The following ADAMTS9 variants were observed in gnomAD, a reference collection of about 807,000 sequenced individuals.
ADAMTS9 encodes the protein ADAM metallopeptidase with thrombospondin type 1 motif 9, also known as A disintegrin and metalloproteinase with thrombospondin motifs 9.
A neutral mutation model predicts 257.1 loss-of-function variants in ADAMTS9; 107 were observed. The ratio of observed to expected loss-of-function variants is 0.42; its 90% CI spans 0.36 to 0.49. The LOEUF (loss-of-function observed/expected upper bound fraction) is 0.49. ADAMTS9 is among the 20% of genes least tolerant of loss of function. The probability of loss-of-function intolerance (pLI) is 0.03; values close to 1 mark genes in which losing one functional copy is unlikely to be tolerated. For synonymous variants in ADAMTS9, 982 were observed against 880.9 expected (o/e 1.11, Z -2.03); for missense variants, 2,353 against 2,469.1 (o/e 0.95, Z 1.00).
intron 32 of ADAMTS9, among the ~76,000 whole-genome samples, chr3:64,543,205 C>A (rs981186765): frequency 0.048 from 4 of 84 alleles, no homozygotes; most frequent in African/African-American, 0.14. Flanking sequence ...GAGCTGGTAC[C>A]ATATCCTTCT....
At chr3:64,632,269 A>T (rs978214919) in intron 14 of ADAMTS9, among the ~76,000 whole-genome samples, 2 of 152,160 alleles carry the variant, frequency 1.3e-5, no homozygotes, top group Non-Finnish European at 2.9e-5. Context: ...GTAATTTTTT[A>T]AAAAATTGCT....
At position 64,633,841 on chromosome 3, in the gene ADAMTS9, A is replaced by G. The variant is rs548641855; in HGVS notation, c.1895T>C (p.Met632Thr). 5.0e-6 allele frequency: 8 copies of G among 1,613,384 alleles called. No homozygotes were observed. The South Asian group carries it at 8.8e-5, about 18-fold the overall frequency. ...CTCCGTGTTGCAGGACTTAAATTTC[A>G]TTCTACGTCCTACACAGTATTTTCC... is the stretch of plus-strand genomic sequence containing the variant. ...NGGKYCVGRR[M>T]KFKSCNTEPC... The change falls in exon 13 of 40, where the codon ATG becomes ACG. Residue 632 changes from methionine (M) to threonine (T), a missense_variant. Met to Thr is a moderately conservative substitution (Grantham distance 81, BLOSUM62 -1). Coordinates refer to ENST00000498707, the MANE Select transcript of ADAMTS9 (RefSeq NM_182920.2).
At chr3:64,685,172 TC>T (rs1246944944) in intron 2 of ADAMTS9, 1 of 152,242 alleles carries the variant, frequency 6.6e-6, no homozygotes, top group Admixed American at 6.5e-5. Flanking sequence ...AAGGGGTTTA[TC>T]CCTTTCCTTG....
chr3:64,541,023 G>A (rs1344542803), intron 36 of ADAMTS9, 72 bp downstream of exon 36: 1 of 1,587,298 alleles, frequency 6.3e-7, no homozygotes, highest in Non-Finnish European at 8.6e-7. Context: ...GCTAGCCAAT[G>A]TGCAAGACAT....
At chr3:64,542,407 G>A (rs58413252) in intron 32 of ADAMTS9, among the ~76,000 whole-genome samples, 4,157 of 144,496 alleles carry the variant, frequency 0.029, 207 homozygotes, top group African/African-American at 0.099. Context: ...ACTTTTGCCT[G>A]ATCACTTTTC....
At chr3:64,600,555 C>T (rs1306032555) in intron 26 of ADAMTS9, among the ~76,000 whole-genome samples, 6 of 152,192 alleles carry the variant, frequency 3.9e-5, no homozygotes, top group South Asian at 2.1e-4. Flanking sequence ...TAAATCCTAG[C>T]GCTATCATTA....
At chr3:64,577,714 T>C (rs2083889501) in intron 28 of ADAMTS9, among the ~76,000 whole-genome samples, 1 of 152,220 alleles carries the variant, frequency 6.6e-6, no homozygotes, top group Admixed American at 6.5e-5. Context: ...ACATGACTTA[T>C]GCTACTGTCA....
chr3:64,555,980 G>A (rs569230938), intron 30 of ADAMTS9, among the ~76,000 whole-genome samples: 3 of 152,286 alleles, frequency 2.0e-5, no homozygotes, highest in South Asian at 2.1e-4. Flanking sequence ...TAAAGAGTTC[G>A]TATCTGGCTC....
At chr3:64,680,778 T>C (rs1701734742) in intron 3 of ADAMTS9, among the ~76,000 whole-genome samples, 1 of 152,108 alleles carries the variant, frequency 6.6e-6, no homozygotes, top group African/African-American at 2.4e-5. Flanking sequence ...GACATTTCTG[T>C]AACCCTACAT....
rs185144109 is a variant in ADAMTS9, at chr3:64,670,110, C to T, written c.679+11091G>A. ...AGGACTGAATCTCATACTATTAATA[C>T]CAAACTCTTCTACCTCTGTCTCTGT... On this transcript the variant is annotated intron_variant, in intron 3 of 39. Coordinates refer to ENST00000498707, the MANE Select transcript of ADAMTS9 (RefSeq NM_182920.2). Among the ~76,000 whole-genome samples the T allele has an allele frequency of 4.4e-5, 6 of 137,258 alleles. No individual in the cohort carries two copies. The East Asian group carries it at 1.2e-3, about 28-fold the overall frequency. The allele number at this position is 137,258 out of a possible 152,430, so 90.0% of individuals were successfully genotyped here.
In ADAMTS9 at chr3:64,604,038, C is replaced by G. The variant is rs201135182; in HGVS notation, c.3631G>C (p.Asp1211His). 6.2e-7 allele frequency: 1 copy of G among 1,614,126 alleles called. No homozygotes were observed. The highest frequency in any genetic ancestry group is 2.2e-5 in the East Asian group (1 of 44,838). The change falls in exon 25 of 40, where the codon GAT becomes CAT. Residue 1211 changes from aspartate (D) to histidine (H), a missense_variant. Asp to His is a moderately conservative substitution (Grantham distance 81). This residue lies in a region of ADAMTS9 where 1,402 missense variants were observed against 1,441.4 expected (regional missense o/e 0.97). Transcript: ENST00000498707. ...GTRMRYVSCR[D>H]ENGSVADESA... ...TCGTCAGCCACAGAGCCATTCTCAT[C>G]TCGGCAGCTGACGTATCTCATCCGG...
chr3:64,561,414 C>T (rs2083420249), intron 30 of ADAMTS9, 164 bp downstream of exon 30: 1 of 644,824 alleles, frequency 1.6e-6, no homozygotes, highest in Non-Finnish European at 2.4e-6. Flanking sequence ...TTCTCCCACC[C>T]TTGTTGGAGC....
chr3:64,594,331 G>A lies in ADAMTS9; in HGVS notation c.4283C>T (p.Pro1428Leu), dbSNP rs199601024. The change falls in exon 28 of 40, where the codon CCT becomes CTT. Residue 1428 changes from proline to leucine, a missense_variant. This residue lies in a region of ADAMTS9 where 1,402 missense variants were observed against 1,441.4 expected (regional missense o/e 0.97). Transcript: ENST00000498707. Reference sequence around the variant, plus strand: ...TGTGTTACACTGCTCACGATCGGGAGGTTTATCAAGAATTTCACAGCTCAA... The same window carrying A: ...TGTGTTACACTGCTCACGATCGGGAAGTTTATCAAGAATTTCACAGCTCAA... The part of the protein sequence containing the change: ...PDLSCEILDK[P>L]PDREQCNTHA... 17 of 1,613,976 alleles carry A rather than the reference G, an allele frequency of 1.1e-5. No homozygotes were observed. Among genetic ancestry groups the A allele is most frequent in the African/African-American group, 1.3e-5 (1 of 75,006 alleles).
intron 32 of ADAMTS9, among the ~76,000 whole-genome samples, chr3:64,544,275 A>G (rs557534549): frequency 1.3e-5 from 2 of 152,306 alleles, no homozygotes; most frequent in African/African-American, 4.8e-5. Flanking sequence ...TTTAAAGTTC[A>G]TATGGAACCA....
chr3:64,611,296 T>G (rs952914920), intron 22 of ADAMTS9, among the ~76,000 whole-genome samples: 2 of 152,100 alleles, frequency 1.3e-5, no homozygotes, highest in Non-Finnish European at 2.9e-5. Context: ...AGCCATACAA[T>G]GGAATATTCT....
chr3:64,551,149 T>G, intron 30 of ADAMTS9, 87 bp from the exon 31 acceptor site: 1 of 1,431,646 alleles, frequency 7.0e-7, no homozygotes, highest in South Asian at 1.3e-5. Context: ...CTACATAGCC[T>G]TTAAGATCAT....
intron 28 of ADAMTS9, among the ~76,000 whole-genome samples, chr3:64,580,114 G>A (rs1049954182): frequency 6.6e-6 from 1 of 152,004 alleles, no homozygotes. Flanking sequence ...AAAAATGTAT[G>A]TGTGTGTATA....
chr3:64,541,147 C>T lies in ADAMTS9; in HGVS notation c.5469G>A (p.Gly1823=), dbSNP rs143545672. 389 of 1,614,188 alleles carry T rather than the reference C, an allele frequency of 2.4e-4. 1 individual carries two copies. The East Asian group carries it at 7.3e-3, about 30-fold the overall frequency. ...TTCTGATTTTCTGAAAACTGGAAAA[C>T]CCAGCGGCCGTGTAATCCTTCCGAC... The part of the protein sequence containing the change: ...CQCRKDYTAA[G]FSSFQKIRID... Residue 1823 remains glycine, a synonymous_variant, in exon 36 of 40, where the codon GGG becomes GGA. Transcript: ENST00000498707.
At chr3:64,644,320 T>C (rs1370136027) in intron 11 of ADAMTS9, among the ~76,000 whole-genome samples, 1 of 152,148 alleles carries the variant, frequency 6.6e-6, no homozygotes, top group African/African-American at 2.4e-5. Flanking sequence ...GCAGGAATGG[T>C]ACTGAAATAT....
Sources: allele counts gnomAD v4.1 joint callset (sites outside exome capture counted in the v4.1 genomes callset), GRCh38; gene constraint gnomAD v4.1.1; regional missense constraint gnomAD v4.1.1; transcripts MANE v1.5; gene names NCBI Gene and HGNC (gene_info 2026-07-23, HGNC 2026-07-21).